The following NECTIN2 variants were observed in gnomAD, a reference collection of about 807,000 sequenced individuals.
The protein encoded by NECTIN2 is nectin-2.
In NECTIN2, 23 loss-of-function variants were observed where a neutral mutation model predicts 56.9. The observed-to-expected ratio is 0.40, with a 90% CI of 0.29 to 0.57. NECTIN2 has a LOEUF of 0.57. Among genes scored for constraint, NECTIN2 ranks in the 20% least tolerant of loss-of-function variants. The pLI, the probability that NECTIN2 is intolerant of heterozygous loss-of-function variation, is 0.38. For synonymous variants in NECTIN2, 302 were observed against 313.8 expected (o/e 0.96, Z 0.40); for missense variants, 587 against 718.3 (o/e 0.82, Z 2.09).
intron 8 of NECTIN2, among the ~76,000 whole-genome samples, 169 bp downstream of exon 8, chr19:44,886,388 CA>C (rs969676233): frequency 6.6e-6 from 1 of 152,134 alleles, no homozygotes. Context: ...TGGGGGAGGT[CA>C]GGGGTGAAAA....
At chr19:44,855,683 A>G (rs763400873) in intron 1 of NECTIN2, among the ~76,000 whole-genome samples, 3 of 152,072 alleles carry the variant, frequency 2.0e-5, no homozygotes, top group Non-Finnish European at 2.9e-5. Context: ...CTGGATGTCA[A>G]CCCTGGAAAA....
chr19:44,853,360 C>G (rs1317340903), intron 1 of NECTIN2, among the ~76,000 whole-genome samples: 1 of 151,856 alleles, frequency 6.6e-6, no homozygotes, highest in Non-Finnish European at 1.5e-5. Context: ...CCACGCCCAG[C>G]TAATTTTTAT....
intron 5 of NECTIN2, among the ~76,000 whole-genome samples, chr19:44,876,686 A>ACGTT (rs1969242142): frequency 6.6e-6 from 1 of 152,182 alleles, no homozygotes; most frequent in African/African-American, 2.4e-5. Flanking sequence ...CCACAGCAGC[A>ACGTT]CGAACATAGG....
chr19:44,877,157 AC>A (rs1300161198), intron 5 of NECTIN2, among the ~76,000 whole-genome samples: 3 of 151,886 alleles, frequency 2.0e-5, no homozygotes, highest in African/African-American at 7.3e-5. Context: ...CTGGGTCATG[AC>A]CCCCTGTTTG....
At chr19:44,849,490 GGCCAGCTC>G (rs552986196) in intron 1 of NECTIN2, among the ~76,000 whole-genome samples, 8 of 152,080 alleles carry the variant, frequency 5.3e-5, no homozygotes, top group Non-Finnish European at 1.0e-4. Flanking sequence ...TGGGCACATG[GGCCAGCTC>G]CCCCGCCCCT....
Position 44,882,230 on chromosome 19 carries a change from C to G in NECTIN2, c.1062C>G (p.Gly354=). ...IFVRETPNTA[G]AGATGGIIGG... is the part of the protein sequence containing the mutation. Reference sequence around the variant, plus strand: ...TTGCAGAGACCCCCAACACAGCAGGCGCAGGGGCCACAGGCGGCATCATCG... The same window carrying G: ...TTGCAGAGACCCCCAACACAGCAGGGGCAGGGGCCACAGGCGGCATCATCG... Residue 354 remains glycine, a synonymous_variant, in exon 6 of 9, where the codon GGC becomes GGG. Coordinates refer to ENST00000252483, the MANE Select transcript of NECTIN2 (RefSeq NM_001042724.2). 2 of 1,514,746 alleles carry G rather than the reference C, an allele frequency of 1.3e-6. No homozygotes were observed. The highest frequency in any genetic ancestry group is 2.3e-4 in the Middle Eastern group (1 of 4,324). 93.8% of individuals were successfully genotyped at this position (1,514,746 alleles called of 1,614,324 possible).
Position 44,886,211 on chromosome 19 carries a change from A to C in NECTIN2, c.1339A>C (p.Thr447Pro). 1 of 1,611,248 alleles carries C rather than the reference A, an allele frequency of 6.2e-7. No homozygotes were observed. Among genetic ancestry groups the C allele is most frequent in the East Asian group, 2.2e-5 (1 of 44,882 alleles). ...CTACTTTGATGCTGGCGCCTCATGC[A>C]CTGAGCAGGTAGGAGCTCATGGGAA... ...TPYFDAGASC[T>P]EQEMPRYHEL... The change falls in exon 8 of 9, where the codon ACT becomes CCT. Residue 447 changes from threonine to proline, a missense_variant. Transcript: ENST00000252483.
At chr19:44,846,848 C>T (rs1278130048) in intron 1 of NECTIN2, among the ~76,000 whole-genome samples, 1 of 151,752 alleles carries the variant, frequency 6.6e-6, no homozygotes, top group Non-Finnish European at 1.5e-5. Flanking sequence ...CTTCTTAATC[C>T]AATTGCCCAT....
intron 1 of NECTIN2, among the ~76,000 whole-genome samples, chr19:44,850,192 G>T (rs1381968652): frequency 2.0e-5 from 3 of 151,890 alleles, no homozygotes; most frequent in Admixed American, 2.0e-4. Context: ...GCAAGACCCT[G>T]TCTCAAAAGA....
chr19:44,878,759 C>G lies in NECTIN2; in HGVS notation c.1043-3452C>G, dbSNP rs1969274021. 9.0e-6 allele frequency: 13 copies of G among 1,440,440 alleles called. No individual in the cohort carries two copies. The South Asian group carries it at 1.9e-4, about 21-fold the overall frequency. The allele number at this position is 1,440,440 out of a possible 1,614,324, so 89.2% of individuals were successfully genotyped here. ...AACACTGCCTCCCACTTTCTTGGGACTTGGAGGGAGGTGGAACAGCACACT... is the reference window on the plus strand; with the variant it reads ...AACACTGCCTCCCACTTTCTTGGGAGTTGGAGGGAGGTGGAACAGCACACT... On this transcript the variant is annotated intron_variant, in intron 5 of 8. Transcript: ENST00000252483.
chr19:44,864,972 A>G (rs1398059234), intron 1 of NECTIN2, among the ~76,000 whole-genome samples: 3 of 152,222 alleles, frequency 2.0e-5, no homozygotes, highest in African/African-American at 4.8e-5. Flanking sequence ...CTTCTGGGAA[A>G]AATAGTGTGT....
intron 1 of NECTIN2, among the ~76,000 whole-genome samples, chr19:44,856,396 C>A (rs1314818014): frequency 1.3e-5 from 2 of 152,198 alleles, no homozygotes; most frequent in South Asian, 2.1e-4. Flanking sequence ...TGTCATTTTG[C>A]TGTCTGGTCA....
intron 1 of NECTIN2, among the ~76,000 whole-genome samples, chr19:44,852,712 C>G (rs952792563): frequency 6.6e-6 from 1 of 151,990 alleles, no homozygotes; most frequent in African/African-American, 2.4e-5. Context: ...GGGGAGGCGT[C>G]AGAGGTGGTC....
At position 44,865,139 on chromosome 19, in the gene NECTIN2, G is replaced by C; in HGVS notation, c.89-132G>C. On this transcript the variant is annotated intron_variant, in intron 1 of 8. Transcript: ENST00000252483. The surrounding 1 kb of genome is among the most constrained non-coding windows in gnomAD (Gnocchi z 5.2). ...TTCCAGGTGGCTTTTTTGGAATCAG[G>C]ATGCTGCGAAGCTGCCTACGTTGCA... The C allele has an allele frequency of 1.0e-6, 1 of 967,756 alleles. No individual in the cohort carries two copies. The highest frequency in any genetic ancestry group is 1.5e-6 in the Non-Finnish European group (1 of 655,532). The allele number at this position is 967,756 out of a possible 1,614,324, so 59.9% of individuals were successfully genotyped here.
At chr19:44,878,462 C>T in intron 5 of NECTIN2, 10 of 1,609,468 alleles carry the variant, frequency 6.2e-6, no homozygotes, top group Non-Finnish European at 8.5e-6. Flanking sequence ...ACCAGTAGTC[C>T]CTGGTCCCAT....
chr19:44,848,266 T>C (rs984398471), intron 1 of NECTIN2, among the ~76,000 whole-genome samples: 1 of 152,154 alleles, frequency 6.6e-6, no homozygotes, highest in Admixed American at 6.5e-5. Flanking sequence ...AGCCTACTGT[T>C]AGCTTGGTGC....
intron 1 of NECTIN2, among the ~76,000 whole-genome samples, chr19:44,851,770 C>G (rs560003622): frequency 6.6e-6 from 1 of 152,216 alleles, no homozygotes; most frequent in East Asian, 1.9e-4. Context: ...CTGGCCATGT[C>G]CTGGCCAAGT....
Position 44,882,248 on chromosome 19 carries a change from C to T in NECTIN2, c.1080C>T (p.Gly360=). ...CAGCAGGCGCAGGGGCCACAGGCGG[C>T]ATCATCGGGGGCATCATCGCCGCCA... The part of the protein sequence containing the change: ...PNTAGAGATG[G]IIGGIIAAII... Residue 360 remains glycine, a synonymous_variant, in exon 6 of 9, where the codon GGC becomes GGT. Transcript: ENST00000252483. 6.5e-7 allele frequency: 1 copy of T among 1,543,262 alleles called. No individual in the cohort carries two copies. The highest frequency in any genetic ancestry group is 1.2e-5 in the South Asian group (1 of 82,914).
At chr19:44,871,118 A>G (rs1390074003) in intron 2 of NECTIN2, among the ~76,000 whole-genome samples, 1 of 152,152 alleles carries the variant, frequency 6.6e-6, no homozygotes, top group Admixed American at 6.6e-5. Flanking sequence ...CACCCTCCTC[A>G]GCCTCCTAAA....
Sources: gnomAD v4.1 joint callset for allele counts (sites outside exome capture counted in the v4.1 genomes callset) on GRCh38, gnomAD v4.1.1 for gene constraint, Gnocchi (gnomAD v3.1) non-coding constraint, MANE v1.5 for transcripts, NCBI Gene and HGNC (gene_info 2026-07-23, HGNC 2026-07-21) for gene names.